The following TCTN2 variants were observed in gnomAD, a reference collection of about 807,000 sequenced individuals.
The protein encoded by TCTN2 is tectonic family member 2, also known as tectonic-2.
Under a neutral mutation model 83.4 loss-of-function variants are expected in TCTN2, and 66 were observed. The ratio of observed to expected loss-of-function variants is 0.79; its 90% CI spans 0.65 to 0.97. The LOEUF (loss-of-function observed/expected upper bound fraction) is 0.97, where lower values mean the gene tolerates loss of function less well. Ranked by LOEUF, TCTN2 falls within the 50% of genes least tolerant of loss-of-function variation. TCTN2 has a pLI of 0.00. For missense variants in TCTN2, 794 were observed against 858.1 expected (o/e 0.93, Z 0.93); for synonymous variants, 301 against 326.7 (o/e 0.92, Z 0.85).
intron 11 of TCTN2, chr12:123,695,565 G>A: frequency 3.2e-6 from 1 of 311,338 alleles, no homozygotes; most frequent in Non-Finnish European, 5.9e-6. Flanking sequence ...GGGATTACAG[G>A]TGCACACCAC....
intron 14 of TCTN2, among the ~76,000 whole-genome samples, chr12:123,703,899 G>A (rs1956199848): frequency 6.6e-6 from 1 of 152,128 alleles, no homozygotes; most frequent in African/African-American, 2.4e-5. Flanking sequence ...CTGTTAAAAG[G>A]CTGGGTAGAT....
At chr12:123,672,579 T>TA (rs970809070) in intron 3 of TCTN2, among the ~76,000 whole-genome samples, 7 of 147,294 alleles carry the variant, frequency 4.8e-5, no homozygotes, top group South Asian at 2.2e-4. Context: ...ACAAAACAAT[T>TA]AAAAAAAAAA....
chr12:123,690,428 G>A, intron 7 of TCTN2, 105 bp from the exon 8 acceptor site: 1 of 1,513,056 alleles, frequency 6.6e-7, no homozygotes, highest in Non-Finnish European at 9.1e-7. Context: ...AACCAGACCA[G>A]CAATGGGAGC....
intron 6 of TCTN2, 78 bp downstream of exon 6, chr12:123,687,113 A>G (rs964683917): frequency 4.9e-5 from 76 of 1,547,098 alleles, no homozygotes; most frequent in Non-Finnish European, 6.3e-5. Context: ...AGGCCCTGCA[A>G]CGCGGTCACG....
chr12:123,681,529 T>C (rs1317671075), intron 5 of TCTN2, among the ~76,000 whole-genome samples: 3 of 152,256 alleles, frequency 2.0e-5, no homozygotes, highest in African/African-American at 4.8e-5. Flanking sequence ...GCACTTAGCA[T>C]GATGCTTTTA....
chr12:123,694,600 T>C (rs1305836199), intron 9 of TCTN2, among the ~76,000 whole-genome samples: 4 of 152,092 alleles, frequency 2.6e-5, no homozygotes, highest in African/African-American at 4.8e-5. Flanking sequence ...GATATAGAAA[T>C]GAAAGGAACA....
chr12:123,690,404 C>T (rs547661013), intron 7 of TCTN2, 129 bp from the exon 8 acceptor site: 3 of 1,304,388 alleles, frequency 2.3e-6, no homozygotes, highest in Non-Finnish European at 3.3e-6. Flanking sequence ...AGTCGGTGAA[C>T]TTGCCGTTGC....
chr12:123,679,785 C>G (rs1267801735), intron 5 of TCTN2, among the ~76,000 whole-genome samples: 69 of 137,278 alleles, frequency 5.0e-4, no homozygotes, highest in African/African-American at 1.7e-3. Context: ...TGTCGCCCAG[C>G]CTGGAGTGCA....
rs983291114 is a variant in TCTN2, at chr12:123,708,007, C to CT, written c.*317dup. ...ACAGGCATGAGCCACCGCACCCGGC[C>CT]TTTTTTTTTTTTTTTTTTTTTTTGA... On this transcript the variant is annotated 3_prime_UTR_variant, in exon 18 of 18. Coordinates refer to ENST00000303372, the MANE Select transcript of TCTN2 (RefSeq NM_024809.5). 15,137 of 211,718 alleles carry CT rather than the reference C, an allele frequency of 0.071. 94 individuals are homozygous for CT. The highest frequency in any genetic ancestry group is 0.11 in the South Asian group (2,209 of 20,522). 13.1% of individuals were successfully genotyped at this position (211,718 alleles called of 1,614,324 possible).
In TCTN2 at chr12:123,704,606, C is replaced by A; in HGVS notation, c.1687C>A (p.His563Asn). Residue 563 changes from histidine (H) to asparagine (N), a missense_variant, in exon 15 of 18, where the codon CAC (histidine) becomes AAC (asparagine). Physicochemically the swap from His to Asn is moderately conservative, Grantham distance 68 (BLOSUM62 1). Coordinates refer to ENST00000303372, the MANE Select transcript of TCTN2 (RefSeq NM_024809.5). ...VNGMCLDIPA[H>N]LSIRILISDA... ...CGGCATGTGCCTGGATATTCCTGCT[C>A]ACCTGAGCATCCGCATCCTCATCTC... The A allele has an allele frequency of 2.0e-5, 33 of 1,613,636 alleles. No homozygotes were observed. The highest frequency in any genetic ancestry group is 2.7e-5 in the Non-Finnish European group (32 of 1,179,966).
intron 5 of TCTN2, among the ~76,000 whole-genome samples, chr12:123,679,840 T>C (rs369229458): frequency 5.7e-4 from 82 of 143,454 alleles, no homozygotes; most frequent in East Asian, 2.7e-3. Context: ...CCCGGGTTCA[T>C]GCCATTCTCC....
chr12:123,674,059 A>G (rs183768232), intron 4 of TCTN2, among the ~76,000 whole-genome samples: 2 of 152,334 alleles, frequency 1.3e-5, no homozygotes, highest in Admixed American at 1.3e-4. Flanking sequence ...CTGTTTGATT[A>G]TAAGTGTATG....
Position 123,686,958 on chromosome 12 carries a change from C to A in TCTN2, c.687C>A (p.Pro229=). ...CTGGGACGACGACACGTGGTGTCCC[C>A]GATTGGTTTCCCTTTCTGTGTGTGC... is the stretch of plus-strand genomic sequence containing the variant. The part of the protein sequence containing the change: ...CSAGTTTRGV[P]DWFPFLCVQS... Residue 229 remains proline (P), a synonymous_variant, in exon 6 of 18, where the codon CCC becomes CCA. Coordinates refer to ENST00000303372, the MANE Select transcript of TCTN2 (RefSeq NM_024809.5). 6.2e-7 allele frequency: 1 copy of A among 1,614,166 alleles called. No individual in the cohort carries two copies. Among genetic ancestry groups the A allele is most frequent in the Non-Finnish European group, 8.5e-7 (1 of 1,180,036 alleles).
intron 14 of TCTN2, among the ~76,000 whole-genome samples, chr12:123,703,193 TA>T (rs34279719): frequency 0.27 from 40,383 of 149,106 alleles, 5,780 homozygotes; most frequent in Middle Eastern, 0.35. Flanking sequence ...TTATTATCAT[TA>T]TTTTTTTTTT....
At position 123,692,356 on chromosome 12, in the gene TCTN2, A is replaced by G. The variant is rs143078837; in HGVS notation, c.1034-302A>G. ...CCCTGCGCCTGGCCAATTGTTTTCT[A>G]CAGTGTCTGCACCATTTTGTATTGC... On this transcript the variant is annotated intron_variant, in intron 8 of 17. Coordinates refer to ENST00000303372, the MANE Select transcript of TCTN2 (RefSeq NM_024809.5). Among the ~76,000 whole-genome samples the G allele has an allele frequency of 5.8e-3, 878 of 152,290 alleles. 6 individuals are homozygous for G. The highest frequency in any genetic ancestry group is 0.02 in the Middle Eastern group (6 of 294).
In TCTN2 at chr12:123,671,239, G is replaced by A. The variant is rs141768405; in HGVS notation, c.-2G>A. 717 of 1,612,594 alleles carry A rather than the reference G, an allele frequency of 4.4e-4. 2 individuals carry two copies. The African/African-American group carries it at 6.7e-3, about 15-fold the overall frequency. ...CTGTGCCCGGCCCGCGAGGTCTAAG[G>A]CATGGGCTTCCAGCCTCCGGCCGCT... On this transcript the variant is annotated 5_prime_UTR_variant, in exon 1 of 18. Transcript: ENST00000303372.
Position 123,696,216 on chromosome 12 carries a change from G to A in TCTN2, c.1313-199G>A, listed in dbSNP as rs547437527. ...AGTCTGTTGTACATAGTAACAAGTTGCTGTAAATGTGAAGCATTCTTTCTC... is the reference window on the plus strand; with the variant it reads ...AGTCTGTTGTACATAGTAACAAGTTACTGTAAATGTGAAGCATTCTTTCTC... On this transcript the variant is annotated intron_variant, in intron 11 of 17. Coordinates refer to ENST00000303372, the MANE Select transcript of TCTN2 (RefSeq NM_024809.5). The A allele has an allele frequency of 3.9e-4, 230 of 590,622 alleles. 1 individual carries two copies. In the South Asian group the frequency reaches 4.2e-3, roughly 11 times the overall value. 36.6% of individuals were successfully genotyped at this position (590,622 alleles called of 1,614,324 possible). A position where few individuals can be genotyped will look rare whatever the true frequency, so the allele number is the denominator to read the frequency against.
In TCTN2 at chr12:123,674,607, A is replaced by C. The variant is rs143177622; in HGVS notation, c.463+797A>C. On this transcript the variant is annotated intron_variant, in intron 4 of 17. Coordinates refer to ENST00000303372, the MANE Select transcript of TCTN2 (RefSeq NM_024809.5). ...CATGACTGCATCTTAAGAAGAAAAAAGGAAGGGTGGCCAGACGCAGTGGCT... is the reference window on the plus strand; with the variant it reads ...CATGACTGCATCTTAAGAAGAAAAACGGAAGGGTGGCCAGACGCAGTGGCT... Among the ~76,000 whole-genome samples the C allele has an allele frequency of 2.7e-3, 414 of 152,300 alleles. 1 individual carries two copies. The highest frequency in any genetic ancestry group is 3.2e-3 in the Non-Finnish European group (221 of 68,026).
intron 1 of TCTN2, 86 bp downstream of exon 1, chr12:123,671,408 C>G: frequency 6.3e-7 from 1 of 1,590,344 alleles, no homozygotes; most frequent in South Asian, 1.1e-5. Flanking sequence ...CCCCCGGGAG[C>G]TTCGGGAGTC....
Sources: allele counts gnomAD v4.1 joint callset (sites outside exome capture counted in the v4.1 genomes callset), GRCh38; gene constraint gnomAD v4.1.1; transcripts MANE v1.5; gene names NCBI Gene and HGNC (gene_info 2026-07-23, HGNC 2026-07-21).